Variants in CDYL2 observed in about 807,000 individuals in gnomAD.
CDYL2 encodes the protein chromodomain Y-like protein 2.
Under a neutral mutation model 49.4 loss-of-function variants are expected in CDYL2, and 23 were observed. That is an observed-to-expected ratio of 0.47 (90% CI 0.34 to 0.66). The LOEUF (loss-of-function observed/expected upper bound fraction) is 0.66, where lower values mean the gene tolerates loss of function less well. Among genes scored for constraint, CDYL2 ranks in the 30% least tolerant of loss-of-function variants. CDYL2 has a pLI of 0.01. For missense variants in CDYL2, 678 were observed against 656.4 expected (o/e 1.03, Z -0.36); for synonymous variants, 360 against 268.8 (o/e 1.34, Z -3.32).
intron 1 of CDYL2, among the ~76,000 whole-genome samples, chr16:80,752,814 T>A (rs1484536064): frequency 6.6e-6 from 1 of 152,156 alleles, no homozygotes; most frequent in Non-Finnish European, 1.5e-5. Context: ...CATCACTGAA[T>A]GTAGAGATGG....
At chr16:80,676,282 G>C (rs1275274177) in intron 2 of CDYL2, among the ~76,000 whole-genome samples, 4 of 152,194 alleles carry the variant, frequency 2.6e-5, no homozygotes, top group African/African-American at 9.6e-5. Context: ...TACTGACTTG[G>C]AAAAATCATC....
chr16:80,672,844 T>C (rs1305261468), intron 2 of CDYL2, among the ~76,000 whole-genome samples: 1 of 152,216 alleles, frequency 6.6e-6, no homozygotes, highest in African/African-American at 2.4e-5. Flanking sequence ...TTAATAAATA[T>C]CTGTTGTTGG....
intron 2 of CDYL2, among the ~76,000 whole-genome samples, chr16:80,636,545 T>C (rs890392705): frequency 6.6e-6 from 1 of 152,138 alleles, no homozygotes; most frequent in African/African-American, 2.4e-5. Flanking sequence ...CATTAAGAAG[T>C]CAGGAAACAA....
At chr16:80,648,250 C>G (rs1908437490) in intron 2 of CDYL2, among the ~76,000 whole-genome samples, 1 of 151,874 alleles carries the variant, frequency 6.6e-6, no homozygotes, top group East Asian at 1.9e-4. Flanking sequence ...ACAAAATTGA[C>G]AAACATTTAG....
At chr16:80,721,232 A>C (rs924478016) in intron 1 of CDYL2, among the ~76,000 whole-genome samples, 22 of 152,190 alleles carry the variant, frequency 1.4e-4, no homozygotes, top group Non-Finnish European at 2.1e-4. Flanking sequence ...CACATGTTAG[A>C]TATTTTACTT....
intron 1 of CDYL2, among the ~76,000 whole-genome samples, chr16:80,685,589 C>G (rs879576355): frequency 6.6e-6 from 1 of 152,148 alleles, no homozygotes; most frequent in Non-Finnish European, 1.5e-5. Context: ...TTTATCCTTA[C>G]TTATAACAAT....
chr16:80,604,134 C>T lies in CDYL2; in HGVS notation c.*254G>A. The T allele has an allele frequency of 1.9e-6, 1 of 527,434 alleles. No homozygotes were observed. 32.7% of individuals were successfully genotyped at this position (527,434 alleles called of 1,614,324 possible). ...AAAGGACAGCGGTGCTTGGCGGAGC[C>T]CTGGGAAGATACAGCCTTGGACAGC... On this transcript the variant is annotated 3_prime_UTR_variant, in exon 7 of 7. Coordinates refer to ENST00000570137, the MANE Select transcript of CDYL2 (RefSeq NM_152342.4).
chr16:80,737,300 C>T (rs927005189), intron 1 of CDYL2, among the ~76,000 whole-genome samples: 3 of 152,186 alleles, frequency 2.0e-5, no homozygotes, highest in Non-Finnish European at 2.9e-5. Flanking sequence ...GTGGCTTTTA[C>T]TTAATGTGCT....
intron 3 of CDYL2, among the ~76,000 whole-genome samples, chr16:80,621,788 C>G (rs148060105): frequency 6.6e-6 from 1 of 152,262 alleles, no homozygotes; most frequent in Non-Finnish European, 1.5e-5. Flanking sequence ...GCTTGGGTCT[C>G]CTGCATGTAT....
At chr16:80,627,890 C>T (rs1257134869) in intron 3 of CDYL2, 1 of 152,256 alleles carries the variant, frequency 6.6e-6, no homozygotes, top group Non-Finnish European at 1.5e-5. Flanking sequence ...TATTAGTTGT[C>T]TGCTGGAGAG....
intron 1 of CDYL2, among the ~76,000 whole-genome samples, chr16:80,774,697 A>C (rs16953986): frequency 0.01 from 1,598 of 152,266 alleles, 28 homozygotes; most frequent in African/African-American, 0.036. Flanking sequence ...AAAAATAAAA[A>C]ATAAGTGTAG....
In CDYL2 at chr16:80,598,499, T is replaced by A. The variant is rs750365448; in HGVS notation, c.*5889A>T. The stretch of plus-strand genomic sequence containing the variant: ...AATTCTTCTCACACCTAACAGGAAT[T>A]AGAATGGGTCAATGAAGAACAAAAG... On this transcript the variant is annotated 3_prime_UTR_variant, in exon 7 of 7. Coordinates refer to ENST00000570137, the MANE Select transcript of CDYL2 (RefSeq NM_152342.4). 1 of 152,130 alleles carries A rather than the reference T, an allele frequency of 6.6e-6. No individual in the cohort carries two copies. The highest frequency in any genetic ancestry group is 1.5e-5 in the Non-Finnish European group (1 of 68,020). 9.4% of individuals were successfully genotyped at this position (152,130 alleles called of 1,614,324 possible). A position where few individuals can be genotyped will look rare whatever the true frequency, so the allele number is the denominator to read the frequency against.
intron 1 of CDYL2, among the ~76,000 whole-genome samples, chr16:80,720,797 T>C (rs1389892846): frequency 6.6e-6 from 1 of 152,220 alleles, no homozygotes; most frequent in African/African-American, 2.4e-5. Context: ...CTGGGAATCC[T>C]GCTACCACTT....
intron 2 of CDYL2, among the ~76,000 whole-genome samples, chr16:80,640,808 G>C (rs77466080): frequency 0.098 from 14,923 of 152,156 alleles, 2,481 homozygotes; most frequent in African/African-American, 0.34. Context: ...AACTGGCATA[G>C]TGAAGAATGC....
intron 1 of CDYL2, among the ~76,000 whole-genome samples, chr16:80,765,728 CAAAAAAAAAA>C (rs35740729): frequency 1.6e-4 from 9 of 55,180 alleles, no homozygotes; most frequent in African/African-American, 5.3e-4. Context: ...GTATTAATCG[CAAAAAAAAAA>C]AAAAAAAAAA....
At chr16:80,742,471 T>TGGAC (rs1272095102) in intron 1 of CDYL2, among the ~76,000 whole-genome samples, 7 of 150,824 alleles carry the variant, frequency 4.6e-5, no homozygotes, top group African/African-American at 1.5e-4. Context: ...CATGGATGGA[T>TGGAC]GGATGGATGG....
intron 5 of CDYL2, among the ~76,000 whole-genome samples, chr16:80,609,309 T>C (rs902768023): frequency 1.3e-5 from 2 of 152,172 alleles, no homozygotes; most frequent in African/African-American, 4.8e-5. Context: ...CTTCCCCACC[T>C]GCTCTTCTCT....
chr16:80,770,685 C>T (rs1348115215), intron 1 of CDYL2, among the ~76,000 whole-genome samples: 1 of 152,072 alleles, frequency 6.6e-6, no homozygotes, highest in East Asian at 1.9e-4. Flanking sequence ...ATGTCTAATT[C>T]TTGTCAATGT....
intron 1 of CDYL2, among the ~76,000 whole-genome samples, chr16:80,701,006 C>T (rs1035276396): frequency 6.6e-6 from 1 of 152,222 alleles, no homozygotes; most frequent in African/African-American, 2.4e-5. Flanking sequence ...GAAGATCCCA[C>T]TAAACACTGT....
Sources: allele counts gnomAD v4.1 joint callset (sites outside exome capture counted in the v4.1 genomes callset), GRCh38; gene constraint gnomAD v4.1.1; transcripts MANE v1.5; gene names NCBI Gene and HGNC (gene_info 2026-07-23, HGNC 2026-07-21).